NDUFB4: variants seen among roughly 807,000 people sequenced by gnomAD.
NDUFB4 encodes NADH:ubiquinone oxidoreductase subunit B4.
A neutral mutation model predicts 14.5 loss-of-function variants in NDUFB4; 10 were observed. The ratio of observed to expected loss-of-function variants is 0.69; its 90% CI spans 0.43 to 1.17. The LOEUF is 1.17. Ranked by LOEUF, NDUFB4 falls within the 50% of genes most tolerant of loss-of-function variation. The probability of loss-of-function intolerance (pLI) is 0.00; values close to 1 mark genes in which losing one functional copy is unlikely to be tolerated. For synonymous variants in NDUFB4, 65 were observed against 63.4 expected (o/e 1.03, Z -0.12); for missense variants, 165 against 161.1 (o/e 1.02, Z -0.13).
intron 1 of NDUFB4, among the ~76,000 whole-genome samples, chr3:120,599,996 A>G (rs537030758): frequency 1.3e-5 from 2 of 151,594 alleles, no homozygotes; most frequent in African/African-American, 4.8e-5. Flanking sequence ...GATAATGTCA[A>G]TAGTTTCTAG....
intron 1 of NDUFB4, among the ~76,000 whole-genome samples, chr3:120,596,892 G>C (rs1357914223): frequency 6.6e-6 from 1 of 150,910 alleles, no homozygotes; most frequent in Non-Finnish European, 1.5e-5. Context: ...GTATGTGACT[G>C]TCCTAGCACA....
intron 2 of NDUFB4, chr3:120,601,812 C>T (rs1324112940): frequency 7.8e-6 from 8 of 1,026,304 alleles, no homozygotes; most frequent in African/African-American, 1.7e-5. Flanking sequence ...ATCTGCATTC[C>T]CATTAGAGTT....
intron 1 of NDUFB4, chr3:120,600,877 T>A: frequency 2.1e-6 from 1 of 478,768 alleles, no homozygotes. Context: ...AACAGAAAGC[T>A]AATTAGTGAT....
At chr3:120,596,864 A>G (rs1254793859) in intron 1 of NDUFB4, among the ~76,000 whole-genome samples, 2 of 151,526 alleles carry the variant, frequency 1.3e-5, no homozygotes, top group Non-Finnish European at 2.9e-5. Context: ...TCAGGCTGTT[A>G]GGATTAAATG....
chr3:120,596,406 A>AGACCCTC lies in NDUFB4; in HGVS notation c.53_59dup (p.Ala21ArgfsTer61), dbSNP rs766301506. ...CCGTCGAGCCTGCGCACTCTGCCTGAGACCCTCGACCCAGCCGAATACAAC... is the reference window on the plus strand; with the variant it reads ...CCGTCGAGCCTGCGCACTCTGCCTGAGACCCTCGACCCTCGACCCAGCCGAATACAAC... On this transcript the variant is annotated frameshift_variant, in exon 1 of 3. Coordinates refer to ENST00000184266, the MANE Select transcript of NDUFB4 (RefSeq NM_004547.6). LOFTEE classifies it high-confidence loss of function. 28 of 1,614,066 alleles carry AGACCCTC rather than the reference A, an allele frequency of 1.7e-5. No homozygotes were observed. The highest frequency in any genetic ancestry group is 2.3e-5 in the Non-Finnish European group (27 of 1,180,032).
chr3:120,596,540 G>T lies in NDUFB4; in HGVS notation c.180+1G>T, dbSNP rs888551670. 1.9e-6 allele frequency: 3 copies of T among 1,613,126 alleles called. No homozygotes were observed. The highest frequency in any genetic ancestry group is 2.5e-6 in the Non-Finnish European group (3 of 1,179,618). On this transcript the variant is annotated splice_donor_variant, in intron 1 of 2. Transcript: ENST00000184266. LOFTEE classifies it high-confidence loss of function. ...CGATCCCAACCGCCGAGGGCTCATC[G>T]TGAGTGTGGGGCCTCCCAGGCGGGA...
intron 1 of NDUFB4, among the ~76,000 whole-genome samples, chr3:120,599,159 A>C (rs1469976212): frequency 6.6e-6 from 1 of 152,188 alleles, no homozygotes; most frequent in Non-Finnish European, 1.5e-5. Context: ...TTAAGAATGA[A>C]GTTGCCTTTT....
intron 2 of NDUFB4, chr3:120,601,776 C>T (rs1406374636): frequency 3.0e-6 from 3 of 1,016,522 alleles, no homozygotes; most frequent in Admixed American, 5.6e-5. Context: ...GGAGCCCACT[C>T]GTCTAGCTTT....
chr3:120,602,185 G>A (rs769618209), intron 2 of NDUFB4, 23 bp from the exon 3 acceptor site: 20 of 1,600,436 alleles, frequency 1.2e-5, no homozygotes, highest in East Asian at 4.5e-5. Flanking sequence ...TGTCTTTAAT[G>A]TACTTTTTTT....
At chr3:120,596,627 G>A (rs539328043) in intron 1 of NDUFB4, 88 bp downstream of exon 1, 1 of 1,405,726 alleles carries the variant, frequency 7.1e-7, no homozygotes, top group Non-Finnish European at 9.8e-7. Flanking sequence ...CACCGCTCCC[G>A]ATCAGTATCT....
At chr3:120,602,073 A>T in intron 2 of NDUFB4, 135 bp from the exon 3 acceptor site, 2 of 1,478,760 alleles carry the variant, frequency 1.4e-6, no homozygotes, top group Non-Finnish European at 1.8e-6. Flanking sequence ...GGAGTGTTTC[A>T]TTCTGTTTGT....
intron 2 of NDUFB4, 133 bp downstream of exon 2, chr3:120,601,390 CTCT>C: frequency 4.7e-6 from 7 of 1,504,022 alleles, no homozygotes; most frequent in Non-Finnish European, 6.1e-6. Context: ...TTCCCTTCCT[CTCT>C]TCTTTTATCT....
Position 120,601,910 on chromosome 3 carries a change from A to G in NDUFB4, c.328-298A>G, listed in dbSNP as rs804970. The G allele has an allele frequency of 0.69, 760,739 of 1,098,216 alleles. 264,560 individuals are homozygous for G. The highest frequency in any genetic ancestry group is 0.87 in the East Asian group (13,620 of 15,704). The allele number at this position is 1,098,216 out of a possible 1,614,324, so 68.0% of individuals were successfully genotyped here. A position where few individuals can be genotyped will look rare whatever the true frequency, so the allele number is the denominator to read the frequency against. ...AAAGTGTTTGCATTTTGCTTTCAAT[A>G]TATGGTTTTATGGGATAATATATTT... On this transcript the variant is annotated intron_variant, in intron 2 of 2. Transcript: ENST00000184266.
At chr3:120,597,869 G>T (rs1028887924) in intron 1 of NDUFB4, among the ~76,000 whole-genome samples, 8 of 151,964 alleles carry the variant, frequency 5.3e-5, no homozygotes, top group Admixed American at 5.2e-4. Context: ...AAAAGAATAA[G>T]GCCTCAGTCA....
chr3:120,601,160 A>G lies in NDUFB4; in HGVS notation c.230A>G (p.Tyr77Cys). 1 of 1,614,022 alleles carries G rather than the reference A, an allele frequency of 6.2e-7. No individual in the cohort carries two copies. The highest frequency in any genetic ancestry group is 8.5e-7 in the Non-Finnish European group (1 of 1,179,986). Residue 77 changes from tyrosine (Y) to cysteine (C), a missense_variant, in exon 2 of 3, where the codon TAT becomes TGT. Coordinates refer to ENST00000184266, the MANE Select transcript of NDUFB4 (RefSeq NM_004547.6). ...GCCTATGCAAGAACAATAAATGTCTATCCTAATTTCAGACCCACTCCTAAA... is the reference window on the plus strand; with the variant it reads ...GCCTATGCAAGAACAATAAATGTCTGTCCTAATTTCAGACCCACTCCTAAA... ...RWAYARTINV[Y>C]PNFRPTPKNS...
In NDUFB4 at chr3:120,602,072, C is replaced by A. The variant is rs1445635966; in HGVS notation, c.328-136C>A. ...GATTGCAATTAGGTTTGGAGTGTTTCATTCTGTTTGTCAGTTGTACGGTGG... is the reference window on the plus strand; with the variant it reads ...GATTGCAATTAGGTTTGGAGTGTTTAATTCTGTTTGTCAGTTGTACGGTGG... On this transcript the variant is annotated intron_variant, in intron 2 of 2. Transcript: ENST00000184266. The A allele has an allele frequency of 7.4e-6, 11 of 1,476,752 alleles. No individual in the cohort carries two copies. In the South Asian group the frequency reaches 1.5e-4, roughly 21 times the overall value. The allele number at this position is 1,476,752 out of a possible 1,614,324, so 91.5% of individuals were successfully genotyped here.
In NDUFB4 at chr3:120,596,620, C is replaced by T. The variant is rs1939961168; in HGVS notation, c.180+81C>T. 5 of 1,443,808 alleles carry T rather than the reference C, an allele frequency of 3.5e-6. No individual in the cohort carries two copies. The Admixed American group carries it at 7.8e-5, about 23-fold the overall frequency. 89.4% of individuals were successfully genotyped at this position (1,443,808 alleles called of 1,614,324 possible). A position where few individuals can be genotyped will look rare whatever the true frequency, so the allele number is the denominator to read the frequency against. On this transcript the variant is annotated intron_variant, in intron 1 of 2. Transcript: ENST00000184266. The stretch of plus-strand genomic sequence containing the variant: ...AGAGACCACGCAAAGGGTCGGCCAC[C>T]GCTCCCGATCAGTATCTCAGACGCA...
At chr3:120,596,955 T>C (rs1420673642) in intron 1 of NDUFB4, among the ~76,000 whole-genome samples, 2 of 146,074 alleles carry the variant, frequency 1.4e-5, no homozygotes, top group Non-Finnish European at 3.0e-5. Flanking sequence ...TATGCATATA[T>C]ATATTATATT....
At chr3:120,596,655 C>G in intron 1 of NDUFB4, 116 bp downstream of exon 1, 1 of 1,157,462 alleles carries the variant, frequency 8.6e-7, no homozygotes, top group Admixed American at 2.1e-5. Flanking sequence ...AGGTCCTCTT[C>G]CAGGCCTAGC....
Sources: gnomAD v4.1 joint callset for allele counts (sites outside exome capture counted in the v4.1 genomes callset) on GRCh38, gnomAD v4.1.1 for gene constraint, MANE v1.5 for transcripts, NCBI Gene and HGNC (gene_info 2026-07-23, HGNC 2026-07-21) for gene names.